The following HHIPL2 variants were observed in gnomAD, a reference collection of about 807,000 sequenced individuals.
HHIPL2 encodes HHIP-like protein 2.
In HHIPL2, 61 loss-of-function variants were observed where a neutral mutation model predicts 61.0. The observed-to-expected ratio is 1.00, with a 90% CI of 0.81 to 1.24. HHIPL2 has a LOEUF of 1.24. HHIPL2 is among the 50% of genes most tolerant of loss of function. The pLI is 0.00. For missense variants in HHIPL2, 885 were observed against 910.2 expected (o/e 0.97, Z 0.36); for synonymous variants, 343 against 357.4 (o/e 0.96, Z 0.45).
In HHIPL2 at chr1:222,544,045, C is replaced by G. The variant is rs776614681; in HGVS notation, c.466G>C (p.Gly156Arg). 1.2e-6 allele frequency: 2 copies of G among 1,613,984 alleles called. No homozygotes were observed. The highest frequency in any genetic ancestry group is 1.3e-5 in the African/African-American group (1 of 74,880). ...SAISLLTNDR[G>R]LQESHGRDGT... ...TCCCTTCCATGAGACTCCTGGAGGC[C>G]GCGGTCATTGGTCAGCAGGGAAATG... The change falls in exon 2 of 9, where the codon GGC (glycine) becomes CGC (arginine). Residue 156 changes from glycine to arginine, a missense_variant. By Grantham distance (125) the Gly-to-Arg change is moderately radical (BLOSUM62 -2). Transcript: ENST00000343410.
intron 5 of HHIPL2, among the ~76,000 whole-genome samples, chr1:222,534,470 A>C (rs1399313650): frequency 6.6e-6 from 1 of 151,994 alleles, no homozygotes; most frequent in East Asian, 1.9e-4. Context: ...CCAGCTACTC[A>C]GGAGGCTGAG....
chr1:222,528,561 C>T (rs368150089), intron 6 of HHIPL2, among the ~76,000 whole-genome samples: 3 of 152,124 alleles, frequency 2.0e-5, no homozygotes, highest in Non-Finnish European at 2.9e-5. Context: ...GAGCCAAGAC[C>T]GCATCACTAC....
In HHIPL2 at chr1:222,544,006, A is replaced by G. The variant is rs1210117647; in HGVS notation, c.505T>C (p.Cys169Arg). 3.7e-6 allele frequency: 6 copies of G among 1,614,062 alleles called. No homozygotes were observed. In the Admixed American group the frequency reaches 8.3e-5, roughly 22 times the overall value. Reference sequence around the variant, plus strand: ...TTGTCAGGAAGGTCCAGGAGGTGGCAGAAGCGGGTACCGTCCCTTCCATGA... The same window carrying G: ...TTGTCAGGAAGGTCCAGGAGGTGGCGGAAGCGGGTACCGTCCCTTCCATGA... ...ESHGRDGTRFCHLLDLPDKDY... is the reference protein window; with the variant it reads ...ESHGRDGTRFRHLLDLPDKDY... The change falls in exon 2 of 9, where the codon TGC (cysteine) becomes CGC (arginine). Residue 169 changes from cysteine (C) to arginine (R), a missense_variant. Transcript: ENST00000343410.
In HHIPL2 at chr1:222,540,288, T is replaced by C. The variant is rs368747928; in HGVS notation, c.1172A>G (p.His391Arg). ...CGAGGGGACTCGGTACCGCTTGCCA[T>C]GTGAGCCTGCCCTGTTCACATCGAT... ...LRIDVNRAGS[H>R]GKRYRVPSDN... Residue 391 changes from histidine (H) to arginine (R), a missense_variant, in exon 4 of 9, where the codon CAT becomes CGT. Coordinates refer to ENST00000343410, the MANE Select transcript of HHIPL2 (RefSeq NM_024746.4). 7.4e-6 allele frequency: 12 copies of C among 1,614,078 alleles called. No individual in the cohort carries two copies. The African/African-American group carries it at 1.5e-4, about 20-fold the overall frequency.
chr1:222,538,195 G>GGGGT (rs1356240657), intron 5 of HHIPL2, among the ~76,000 whole-genome samples: 51 of 136,372 alleles, frequency 3.7e-4, no homozygotes, highest in African/African-American at 1.1e-3. Context: ...CTCTGGCTGG[G>GGGGT]GTGTGTGTGT....
At chr1:222,528,963 G>A (rs1659130595) in intron 6 of HHIPL2, among the ~76,000 whole-genome samples, 1 of 151,846 alleles carries the variant, frequency 6.6e-6, no homozygotes, top group Admixed American at 6.6e-5. Flanking sequence ...TGGGACTACA[G>A]GTGCATGCCA....
chr1:222,536,260 A>T (rs66459971), intron 5 of HHIPL2, among the ~76,000 whole-genome samples: 39,346 of 151,956 alleles, frequency 0.26, 5,279 homozygotes, highest in Non-Finnish European at 0.29. Flanking sequence ...AGACTGATTT[A>T]AAAAAAAGAG....
At chr1:222,546,868 A>G (rs1369111723) in intron 1 of HHIPL2, among the ~76,000 whole-genome samples, 2 of 152,200 alleles carry the variant, frequency 1.3e-5, no homozygotes, top group Non-Finnish European at 2.9e-5. Flanking sequence ...ATGCCTGTGG[A>G]TAGCCAAGTC....
At chr1:222,523,530 T>C (rs988997650) in intron 8 of HHIPL2, 82 bp downstream of exon 8, 2 of 1,278,380 alleles carry the variant, frequency 1.6e-6, no homozygotes, top group African/African-American at 1.5e-5. Flanking sequence ...GACTCCACCA[T>C]GGGAATTATA....
intron 5 of HHIPL2, among the ~76,000 whole-genome samples, chr1:222,535,837 T>C (rs1659289587): frequency 6.6e-6 from 1 of 152,074 alleles, no homozygotes. Flanking sequence ...TAGAAATCAA[T>C]AGCAGAAAGA....
intron 5 of HHIPL2, among the ~76,000 whole-genome samples, chr1:222,532,950 T>C (rs1234072460): frequency 6.6e-6 from 1 of 152,162 alleles, no homozygotes; most frequent in Non-Finnish European, 1.5e-5. Flanking sequence ...AAGCAGGTTT[T>C]TAGAAGAAAA....
At chr1:222,547,489 C>A (rs942280438) in intron 1 of HHIPL2, among the ~76,000 whole-genome samples, 3 of 152,106 alleles carry the variant, frequency 2.0e-5, no homozygotes, top group Non-Finnish European at 4.4e-5. Context: ...TCTCCTGGAG[C>A]CTGGAGAAGA....
At chr1:222,537,775 A>G (rs577555533) in intron 5 of HHIPL2, among the ~76,000 whole-genome samples, 51 of 147,872 alleles carry the variant, frequency 3.4e-4, no homozygotes, top group Non-Finnish European at 4.9e-4. Flanking sequence ...ATATAAGCTC[A>G]ATATAAAAAA....
rs1658977752 is a variant in HHIPL2 at position 222,522,661 on chromosome 1, G to A, written c.2115C>T (p.Ser705=). The change falls in exon 9 of 9, where the codon AGC becomes AGT. Residue 705 remains serine, a synonymous_variant. Transcript: ENST00000343410. ...CTGATGGCCTCATCCTGCCACTGTG[G>A]CTTTTCAGGCTCTTCCTCCTCTTGC... ...RQGKRRKSLK[S]HSGRMRPSAE... is the part of the protein sequence containing the mutation. 7 of 1,614,180 alleles carry A rather than the reference G, an allele frequency of 4.3e-6. No individual in the cohort carries two copies. The highest frequency in any genetic ancestry group is 4.2e-6 in the Non-Finnish European group (5 of 1,180,042).
At chr1:222,545,149 G>A (rs1558133538) in intron 1 of HHIPL2, among the ~76,000 whole-genome samples, 1 of 152,170 alleles carries the variant, frequency 6.6e-6, no homozygotes, top group East Asian at 1.9e-4. Flanking sequence ...AGATTAGGAA[G>A]GTAAGAAAGC....
chr1:222,534,577 T>TAAAAAAAAAAAAAAAAAAAAAAA (rs67437927), intron 5 of HHIPL2, among the ~76,000 whole-genome samples: 1 of 72,676 alleles, frequency 1.4e-5, no homozygotes, highest in African/African-American at 5.6e-5. Flanking sequence ...ACTCCATCTC[T>TAAAAAAAAAAAAAAAAAAAAAAA]AAAAAAAAAA....
rs1399162147 is a variant in HHIPL2, at chr1:222,532,181, A to C, written c.1578-70T>G. 18 of 1,409,838 alleles carry C rather than the reference A, an allele frequency of 1.3e-5. No homozygotes were observed. In the Admixed American group the frequency reaches 3.8e-4, roughly 30 times the overall value. The allele number at this position is 1,409,838 out of a possible 1,614,324, so 87.3% of individuals were successfully genotyped here. On this transcript the variant is annotated intron_variant, in intron 5 of 8. Transcript: ENST00000343410. ...CTCTGCAGAATACTTTTTCTCCTAG[A>C]ATCAGAGATCCCTGAGTACTAGGAC...
At chr1:222,525,706 G>C (rs932103320) in intron 7 of HHIPL2, among the ~76,000 whole-genome samples, 1 of 152,154 alleles carries the variant, frequency 6.6e-6, no homozygotes, top group Non-Finnish European at 1.5e-5. Flanking sequence ...GATAAATCTA[G>C]AGCACTGGGG....
chr1:222,540,219 T>A lies in HHIPL2; in HGVS notation c.1241A>T (p.Tyr414Phe). 1 of 1,614,258 alleles carries A rather than the reference T, an allele frequency of 6.2e-7. No individual in the cohort carries two copies. The highest frequency in any genetic ancestry group is 8.5e-7 in the Non-Finnish European group (1 of 1,180,050). ...CCACATGTTCCTGATCCCATAGGCA[T>A]AGATGGCGGGGTGGGCCCCTGGCTC... ...VSEPGAHPAI[Y>F]AYGIRNMWRC... is the part of the protein sequence containing the mutation. The change falls in exon 4 of 9, where the codon TAT (tyrosine) becomes TTT (phenylalanine). Residue 414 changes from tyrosine to phenylalanine, a missense_variant. By Grantham distance (22) the Tyr-to-Phe change is conservative. Transcript: ENST00000343410.
Sources: allele counts gnomAD v4.1 joint callset (sites outside exome capture counted in the v4.1 genomes callset), GRCh38; gene constraint gnomAD v4.1.1; transcripts MANE v1.5; gene names NCBI Gene and HGNC (gene_info 2026-07-23, HGNC 2026-07-21).